USP34: variants seen among roughly 807,000 people sequenced by gnomAD.
USP34 encodes ubiquitin specific peptidase 34.
USP34 carries 70 observed loss-of-function variants against 460.3 expected under a neutral mutation model. That is an observed-to-expected ratio of 0.15 (90% confidence interval 0.13 to 0.19). The LOEUF is 0.19. Among genes scored for constraint, USP34 ranks in the 10% least tolerant of loss-of-function variants. USP34 has a pLI of 1.00. For missense variants in USP34, 3,985 were observed against 4,236.2 expected (o/e 0.94, Z 1.65); for synonymous variants, 1,647 against 1,405.3 (o/e 1.17, Z -3.85).
At chr2:61,210,027 T>C (rs960506408) in intron 69 of USP34, among the ~76,000 whole-genome samples, 1 of 145,006 alleles carries the variant, frequency 6.9e-6, no homozygotes, top group African/African-American at 2.9e-5. Flanking sequence ...AGTGTTATGA[T>C]AGTGTGTTTT....
chr2:61,430,036 AC>A (rs1257350884), intron 1 of USP34, among the ~76,000 whole-genome samples: 1 of 151,874 alleles, frequency 6.6e-6, no homozygotes, highest in Non-Finnish European at 1.5e-5. Context: ...ACACGGTGAA[AC>A]CCCCCGTCTC....
chr2:61,294,261 G>A (rs1042060490), intron 32 of USP34, among the ~76,000 whole-genome samples: 3 of 151,184 alleles, frequency 2.0e-5, no homozygotes, highest in African/African-American at 7.3e-5. Context: ...CAGGAGAATC[G>A]CGTGAACCTG....
At chr2:61,445,840 C>T (rs560613518) in intron 1 of USP34, among the ~76,000 whole-genome samples, 7 of 151,658 alleles carry the variant, frequency 4.6e-5, no homozygotes, top group African/African-American at 1.2e-4. Flanking sequence ...ACCAGCTACT[C>T]GGGAGCCTGA....
chr2:61,426,110 T>C (rs371831819), intron 1 of USP34, among the ~76,000 whole-genome samples: 207 of 152,200 alleles, frequency 1.4e-3, no homozygotes, highest in African/African-American at 4.2e-3. Flanking sequence ...AAGTACTACA[T>C]TGAGGGCCTC....
chr2:61,368,945 T>C (rs1325721760), intron 10 of USP34, among the ~76,000 whole-genome samples: 2 of 151,350 alleles, frequency 1.3e-5, no homozygotes, highest in Non-Finnish European at 2.9e-5. Flanking sequence ...AAACAAAAGA[T>C]CAACTTCAGT....
chr2:61,409,045 C>T (rs777079098), intron 2 of USP34, among the ~76,000 whole-genome samples: 6 of 151,534 alleles, frequency 4.0e-5, no homozygotes, highest in Non-Finnish European at 8.8e-5. Flanking sequence ...TACAGCAAAA[C>T]CTCGTCTCTA....
At chr2:61,331,520 T>C (rs556942556) in intron 19 of USP34, 149 bp from the exon 20 acceptor site, 3 of 555,114 alleles carry the variant, frequency 5.4e-6, no homozygotes, top group Middle Eastern at 5.0e-4. Flanking sequence ...TATATTTGAA[T>C]GGTGAAAAGA....
intron 21 of USP34, among the ~76,000 whole-genome samples, chr2:61,324,037 A>G (rs976577799): frequency 3.3e-5 from 5 of 152,260 alleles, no homozygotes; most frequent in Non-Finnish European, 7.3e-5. Context: ...GAAAAGAGTC[A>G]TGACGACTCC....
intron 75 of USP34, among the ~76,000 whole-genome samples, chr2:61,201,608 G>A (rs139347558): frequency 2.4e-4 from 37 of 152,226 alleles, no homozygotes; most frequent in African/African-American, 8.9e-4. Context: ...TGATAAGACT[G>A]AATCACAAAA....
chr2:61,260,844 T>C (rs1441630973), intron 43 of USP34, among the ~76,000 whole-genome samples: 1 of 152,194 alleles, frequency 6.6e-6, no homozygotes, highest in African/African-American at 2.4e-5. Context: ...TATTAGAGAA[T>C]GAAGTATGAG....
chr2:61,203,056 T>C (rs996427418), intron 75 of USP34, 84 bp downstream of exon 75: 12 of 1,306,400 alleles, frequency 9.2e-6, no homozygotes, highest in African/African-American at 1.5e-5. Context: ...AAAAAAGGAT[T>C]GTCTCATAAT....
At chr2:61,374,930 C>G (rs1041675445) in intron 8 of USP34, among the ~76,000 whole-genome samples, 3 of 152,212 alleles carry the variant, frequency 2.0e-5, no homozygotes, top group Middle Eastern at 3.4e-3. Context: ...AGGAAACAGA[C>G]AACAACACTA....
At chr2:61,218,412 T>G (rs1687465784) in intron 67 of USP34, among the ~76,000 whole-genome samples, 1 of 151,974 alleles carries the variant, frequency 6.6e-6, no homozygotes, top group Non-Finnish European at 1.5e-5. Context: ...AAACCTTTTA[T>G]TTTAGAATAA....
intron 78 of USP34, chr2:61,189,292 G>GAGAT: frequency 2.2e-6 from 1 of 445,346 alleles, no homozygotes; most frequent in Admixed American, 4.4e-5. Flanking sequence ...TGTTTTTTTT[G>GAGAT]AGATGGAGTC....
At chr2:61,280,002 T>C (rs1318255083) in intron 39 of USP34, among the ~76,000 whole-genome samples, 1 of 152,162 alleles carries the variant, frequency 6.6e-6, no homozygotes, top group African/African-American at 2.4e-5. Flanking sequence ...CGTATCTTAC[T>C]GAGAAGAGAC....
chr2:61,406,576 C>T (rs1693877175), intron 2 of USP34, among the ~76,000 whole-genome samples: 1 of 151,674 alleles, frequency 6.6e-6, no homozygotes. Context: ...TCCTTGAAGG[C>T]TACTTGGGAG....
intron 37 of USP34, 49 bp from the exon 38 acceptor site, chr2:61,281,291 G>A: frequency 6.4e-7 from 1 of 1,562,692 alleles, no homozygotes; most frequent in Non-Finnish European, 8.7e-7. Flanking sequence ...GTATTACAAA[G>A]TTAATATGTT....
rs1694017597 is a variant in USP34 at position 61,410,935 on chromosome 2, G to C, written c.132-4807C>G. ...CTCTAAAGGCAGGGATGAAGCCTGA[G>C]GCAGAAAATAAGACGACTAATGAAA... On this transcript the variant is annotated intron_variant, in intron 2 of 79. Transcript: ENST00000398571. Among the ~76,000 whole-genome samples, 3 of 152,084 alleles carry C rather than the reference G, an allele frequency of 2.0e-5. No individual in the cohort carries two copies. In the South Asian group the frequency reaches 6.2e-4, roughly 32 times the overall value.
intron 6 of USP34, among the ~76,000 whole-genome samples, chr2:61,382,895 C>T (rs544847105): frequency 6.6e-6 from 1 of 152,130 alleles, no homozygotes; most frequent in Non-Finnish European, 1.5e-5. Context: ...TTATCATTTA[C>T]TTCTTTTGTA....
Sources: gnomAD v4.1 joint callset for allele counts (sites outside exome capture counted in the v4.1 genomes callset) on GRCh38, gnomAD v4.1.1 for gene constraint, MANE v1.5 for transcripts, NCBI Gene and HGNC (gene_info 2026-07-23, HGNC 2026-07-21) for gene names.